The following UBE2O variants were observed in gnomAD, a reference collection of about 807,000 sequenced individuals.
UBE2O encodes the protein (E3-independent) E2 ubiquitin-conjugating enzyme.
A neutral mutation model predicts 125.8 loss-of-function variants in UBE2O; 15 were observed. That is an observed-to-expected ratio of 0.12 (90% CI 0.08 to 0.18). UBE2O has a LOEUF of 0.18. Among genes scored for constraint, UBE2O ranks in the 10% least tolerant of loss-of-function variants. The probability of loss-of-function intolerance (pLI) is 1.00; values close to 1 mark genes in which losing one functional copy is unlikely to be tolerated. For missense variants in UBE2O, 1,280 were observed against 1,723.6 expected (o/e 0.74, Z 4.56); for synonymous variants, 708 against 703.2 (o/e 1.01, Z -0.11).
At chr17:76,419,192 G>C (rs1247219918) in intron 1 of UBE2O, among the ~76,000 whole-genome samples, 1 of 144,928 alleles carries the variant, frequency 6.9e-6, no homozygotes, top group African/African-American at 2.6e-5. Context: ...GCTCTGGTGA[G>C]AGGATCACTT....
chr17:76,428,018 G>A (rs563212664), intron 1 of UBE2O, among the ~76,000 whole-genome samples: 51 of 152,154 alleles, frequency 3.4e-4, no homozygotes, highest in Admixed American at 2.7e-3. Context: ...CTTTGCTTTC[G>A]GTTCTCTGTT....
chr17:76,414,476 G>A (rs1030667323), intron 1 of UBE2O, among the ~76,000 whole-genome samples: 38 of 152,362 alleles, frequency 2.5e-4, no homozygotes, highest in African/African-American at 7.7e-4. Flanking sequence ...TCTGGATGGC[G>A]GTGGGGGAAG....
At chr17:76,447,191 C>T (rs942893482) in intron 1 of UBE2O, among the ~76,000 whole-genome samples, 17 of 152,232 alleles carry the variant, frequency 1.1e-4, no homozygotes, top group African/African-American at 4.1e-4. Context: ...TCAGGGCACT[C>T]GGTCACGTAT....
At position 76,400,056 on chromosome 17, in the gene UBE2O, G is replaced by A. The variant is rs2072290918; in HGVS notation, c.1155+91C>T. The A allele has an allele frequency of 6.5e-7, 1 of 1,543,608 alleles. No homozygotes were observed. The highest frequency in any genetic ancestry group is 1.4e-5 in the African/African-American group (1 of 73,000). On this transcript the variant is annotated intron_variant, in intron 8 of 17. Coordinates refer to ENST00000319380, the MANE Select transcript of UBE2O (RefSeq NM_022066.4). This position sits in a 1 kb window ranked among gnomAD's most constrained non-coding sequence, Gnocchi z 4.3. ...AAGGGTCATCAGGGCTGCCCCCCAAGGCCTAAAGCACAGACTGTCCTTCTT... is the reference window on the plus strand; with the variant it reads ...AAGGGTCATCAGGGCTGCCCCCCAAAGCCTAAAGCACAGACTGTCCTTCTT...
intron 13 of UBE2O, 63 bp downstream of exon 13, chr17:76,397,736 G>A (rs539450501): frequency 1.3e-6 from 2 of 1,525,866 alleles, no homozygotes; most frequent in South Asian, 1.1e-5. Context: ...CTACACGCCT[G>A]TGGCCCCCGG....
At chr17:76,393,392 G>A (rs761234552) in intron 15 of UBE2O, among the ~76,000 whole-genome samples, 34 of 151,510 alleles carry the variant, frequency 2.2e-4, no homozygotes, top group Non-Finnish European at 2.9e-4. Context: ...GTCTCCTCAC[G>A]CCCGGCTAAT....
At position 76,452,651 on chromosome 17, in the gene UBE2O, C is replaced by A; in HGVS notation, c.417+74G>T. The A allele has an allele frequency of 7.7e-7, 1 of 1,300,624 alleles. No homozygotes were observed. Among genetic ancestry groups the A allele is most frequent in the Non-Finnish European group, 9.8e-7 (1 of 1,024,720 alleles). 80.6% of individuals were successfully genotyped at this position (1,300,624 alleles called of 1,614,324 possible). On this transcript the variant is annotated intron_variant, in intron 1 of 17. Coordinates refer to ENST00000319380, the MANE Select transcript of UBE2O (RefSeq NM_022066.4). This position sits in a 1 kb window ranked among gnomAD's most constrained non-coding sequence, Gnocchi z 4.4. ...GCACCGCTCCGGGCAGGGCCCTGCA[C>A]GCCGTCCTTCCCTGGCCTCGGCCCG...
At chr17:76,439,519 G>C (rs1452086585) in intron 1 of UBE2O, among the ~76,000 whole-genome samples, 1 of 152,200 alleles carries the variant, frequency 6.6e-6, no homozygotes, top group Non-Finnish European at 1.5e-5. Context: ...TGACGTCACT[G>C]CTCTGATGGC....
At position 76,395,969 on chromosome 17, in the gene UBE2O, G is replaced by A; in HGVS notation, c.2810-108C>T. The A allele has an allele frequency of 6.5e-7, 1 of 1,539,560 alleles. No individual in the cohort carries two copies. Among genetic ancestry groups the A allele is most frequent in the African/African-American group, 1.4e-5 (1 of 72,834 alleles). On this transcript the variant is annotated intron_variant, in intron 14 of 17. Coordinates refer to ENST00000319380, the MANE Select transcript of UBE2O (RefSeq NM_022066.4). The surrounding 1 kb of genome is among the most constrained non-coding windows in gnomAD (Gnocchi z 5.0). Reference sequence around the variant, plus strand: ...ACCCACAGACTTCCCACTCGCCGCTGCTGGCCTCAGCACTGTGACCACACA... The same window carrying A: ...ACCCACAGACTTCCCACTCGCCGCTACTGGCCTCAGCACTGTGACCACACA...
rs2072290316 is a variant in UBE2O, at chr17:76,400,018, C to T, written c.1156-97G>A. 6.5e-7 allele frequency: 1 copy of T among 1,527,132 alleles called. No individual in the cohort carries two copies. The highest frequency in any genetic ancestry group is 1.4e-5 in the African/African-American group (1 of 72,624). The allele number at this position is 1,527,132 out of a possible 1,614,324, so 94.6% of individuals were successfully genotyped here. On this transcript the variant is annotated intron_variant, in intron 8 of 17. Transcript: ENST00000319380. The surrounding 1 kb of genome is among the most constrained non-coding windows in gnomAD (Gnocchi z 4.3). The stretch of plus-strand genomic sequence containing the variant: ...CTGGGGGGATGACAGCTGTATACAC[C>T]TGAGTAGCCGGCAAGGGTCATCAGG...
chr17:76,434,508 C>T (rs1328971388), intron 1 of UBE2O, among the ~76,000 whole-genome samples: 5 of 152,134 alleles, frequency 3.3e-5, no homozygotes, highest in Non-Finnish European at 2.9e-5. Flanking sequence ...AGATATGTCT[C>T]ACAGGAATCA....
At chr17:76,401,895 AG>A (rs1262393272) in intron 5 of UBE2O, 168 bp downstream of exon 5, 4 of 407,556 alleles carry the variant, frequency 9.8e-6, no homozygotes, top group Non-Finnish European at 1.3e-5. Context: ...AAAAAAAAAA[AG>A]TTCTAATACT....
chr17:76,397,783 C>T lies in UBE2O; in HGVS notation c.2115+16G>A, dbSNP rs771318582. On this transcript the variant is annotated intron_variant, in intron 13 of 17. Transcript: ENST00000319380. ...ATAGTCACAAGCTCAGCAGGGGGGT[C>T]TTGCCAGAGCCTCACCTGGGGCAGG... The T allele has an allele frequency of 9.3e-6, 15 of 1,613,756 alleles. No individual in the cohort carries two copies. The highest frequency in any genetic ancestry group is 9.3e-6 in the Non-Finnish European group (11 of 1,179,734).
chr17:76,447,188 AC>A (rs1427604688), intron 1 of UBE2O, among the ~76,000 whole-genome samples: 1 of 152,240 alleles, frequency 6.6e-6, no homozygotes, highest in Non-Finnish European at 1.5e-5. Flanking sequence ...GGATCAGGGC[AC>A]TCGGTCACGT....
Position 76,405,209 on chromosome 17 carries a change from G to T in UBE2O, c.585C>A (p.Ile195=), listed in dbSNP as rs755656471. ...TGAGAAGACAGGGCCGGCTCACCCA[G>T]ATGTGCTGCAGGTCCTTGCTGTTGA... ...YPVNSKDLQH[I]WPFMYGDYIA... is the part of the protein sequence containing the mutation. The change falls in exon 3 of 18, where the codon ATC becomes ATA. Residue 195 remains isoleucine (I), a synonymous_variant. Transcript: ENST00000319380. The surrounding 1 kb of genome is among the most constrained non-coding windows in gnomAD (Gnocchi z 6.1). 1.2e-6 allele frequency: 2 copies of T among 1,608,292 alleles called. No homozygotes were observed. The highest frequency in any genetic ancestry group is 1.7e-6 in the Non-Finnish European group (2 of 1,176,052).
In UBE2O at chr17:76,391,282, G is replaced by A. The variant is rs755896207; in HGVS notation, c.3540C>T (p.Ser1180=). 19 of 1,612,780 alleles carry A rather than the reference G, an allele frequency of 1.2e-5. No homozygotes were observed. Among genetic ancestry groups the A allele is most frequent in the Middle Eastern group, 1.7e-4 (1 of 6,060 alleles). Residue 1180 remains serine (S), a synonymous_variant, in exon 18 of 18, where the codon TCC becomes TCT. Coordinates refer to ENST00000319380, the MANE Select transcript of UBE2O (RefSeq NM_022066.4). This position sits in a 1 kb window ranked among gnomAD's most constrained non-coding sequence, Gnocchi z 8.4. The part of the protein sequence containing the change: ...EPPAVAELSD[S]GQQEPEDGGP... The stretch of plus-strand genomic sequence containing the variant: ...CTCCATCCTCAGGTTCTTGTTGGCC[G>A]GAGTCTGACAGCTCGGCTACAGCTG...
At chr17:76,417,583 T>C (rs772519253) in intron 1 of UBE2O, among the ~76,000 whole-genome samples, 54 of 152,142 alleles carry the variant, frequency 3.5e-4, no homozygotes, top group Non-Finnish European at 5.4e-4. Flanking sequence ...CCACCACCAG[T>C]GATAAGAGGA....
chr17:76,408,040 G>A (rs958971170), intron 1 of UBE2O, among the ~76,000 whole-genome samples: 12 of 152,298 alleles, frequency 7.9e-5, no homozygotes, highest in African/African-American at 2.9e-4. Context: ...GATGACTTGG[G>A]AGGCTCTTGT....
intron 1 of UBE2O, among the ~76,000 whole-genome samples, chr17:76,424,126 T>C (rs1480962831): frequency 6.6e-6 from 1 of 151,718 alleles, no homozygotes; most frequent in Non-Finnish European, 1.5e-5. Context: ...GCCAGGATGG[T>C]CTCGATCTCC....
Sources: allele counts gnomAD v4.1 joint callset (sites outside exome capture counted in the v4.1 genomes callset), GRCh38; gene constraint gnomAD v4.1.1; non-coding constraint Gnocchi (gnomAD v3.1); transcripts MANE v1.5; gene names NCBI Gene and HGNC (gene_info 2026-07-23, HGNC 2026-07-21).